CFAP20DC: variants seen among roughly 807,000 people sequenced by gnomAD.
CFAP20DC encodes protein CFAP20DC.
In CFAP20DC, 84 loss-of-function variants were observed where a neutral mutation model predicts 101.7. The ratio of observed to expected loss-of-function variants is 0.83; its 90% CI spans 0.69 to 0.99. The LOEUF (loss-of-function observed/expected upper bound fraction) is 0.99. Among genes scored for constraint, CFAP20DC ranks in the 50% least tolerant of loss-of-function variants. The pLI is 0.00. For missense variants in CFAP20DC, 1,007 were observed against 970.3 expected (o/e 1.04, Z -0.50); for synonymous variants, 359 against 351.2 (o/e 1.02, Z -0.25).
intron 15 of CFAP20DC, among the ~76,000 whole-genome samples, chr3:58,770,781 A>G (rs1331334765): frequency 6.6e-6 from 1 of 152,170 alleles, no homozygotes; most frequent in African/African-American, 2.4e-5. Flanking sequence ...GCATTTGAGA[A>G]AGCTCACAGT....
chr3:58,768,839 G>A (rs942497873), intron 15 of CFAP20DC, among the ~76,000 whole-genome samples: 2 of 152,162 alleles, frequency 1.3e-5, no homozygotes, highest in Admixed American at 6.5e-5. Flanking sequence ...CAAGTCTTCA[G>A]CTTTCAGCTC....
At chr3:58,741,537 C>T (rs1417786316), downstream of CFAP20DC, among the ~76,000 whole-genome samples, 19 of 150,946 alleles carry the variant, frequency 1.3e-4, no homozygotes, top group Admixed American at 6.6e-5. Flanking sequence ...CGCTCTGTTG[C>T]CCAGGCTGGA....
intron 3 of CFAP20DC, among the ~76,000 whole-genome samples, chr3:58,735,600 G>C (rs752013341): frequency 5.0e-4 from 76 of 152,300 alleles, no homozygotes; most frequent in Non-Finnish European, 5.7e-4. Context: ...CACACATTAG[G>C]ATCACTTGGG....
At chr3:58,960,259 G>A (rs1042268737) in intron 4 of CFAP20DC, among the ~76,000 whole-genome samples, 6 of 152,142 alleles carry the variant, frequency 3.9e-5, no homozygotes, top group South Asian at 2.1e-4. Context: ...TTGGGAGGCC[G>A]AGGTGGGTGG....
intron 6 of CFAP20DC, among the ~76,000 whole-genome samples, chr3:58,906,293 A>T (rs542662463): frequency 9.0e-4 from 137 of 152,232 alleles, no homozygotes; most frequent in African/African-American, 3.1e-3. Flanking sequence ...AAGGACACTC[A>T]ATTTGTCCTA....
intron 16 of CFAP20DC, among the ~76,000 whole-genome samples, chr3:58,745,219 T>C (rs2068111215): frequency 6.6e-6 from 1 of 152,188 alleles, no homozygotes; most frequent in Non-Finnish European, 1.5e-5. Context: ...AAGGAGAGTA[T>C]GTACATCCTC....
intron 4 of CFAP20DC, chr3:59,017,403 G>T (rs1004315949): frequency 6.6e-6 from 1 of 152,038 alleles, no homozygotes; most frequent in Non-Finnish European, 1.5e-5. Context: ...CAGTTGATGT[G>T]GTGAACAGAA....
At chr3:58,884,403 T>C (rs2081449313) in intron 7 of CFAP20DC, 142 bp downstream of exon 7, 1 of 668,032 alleles carries the variant, frequency 1.5e-6, no homozygotes, top group Middle Eastern at 4.1e-4. Flanking sequence ...TTGTAGCCCC[T>C]GGCGTGGTAT....
At chr3:58,889,054 A>G (rs1209068651) in intron 6 of CFAP20DC, among the ~76,000 whole-genome samples, 6 of 151,592 alleles carry the variant, frequency 4.0e-5, no homozygotes. Context: ...CAAAATCTTA[A>G]TTCAACATGT....
intron 3 of CFAP20DC, among the ~76,000 whole-genome samples, chr3:58,723,288 A>C (rs2067497833): frequency 6.6e-6 from 1 of 152,240 alleles, no homozygotes; most frequent in Admixed American, 6.5e-5. Context: ...TAACATTTGC[A>C]ATTTCAGAGG....
At chr3:58,975,480 C>T (rs1364036925) in intron 4 of CFAP20DC, among the ~76,000 whole-genome samples, 1 of 151,924 alleles carries the variant, frequency 6.6e-6, no homozygotes, top group Non-Finnish European at 1.5e-5. Flanking sequence ...GAAATATATC[C>T]AGGAATTCTA....
intron 15 of CFAP20DC, among the ~76,000 whole-genome samples, chr3:58,761,059 T>A (rs2069533331): frequency 6.6e-6 from 1 of 152,228 alleles, no homozygotes; most frequent in Non-Finnish European, 1.5e-5. Flanking sequence ...TAAAATGAGT[T>A]AGGGAGGATT....
At chr3:59,039,668 C>A in intron 3 of CFAP20DC, 39 bp from the exon 4 acceptor site, 1 of 1,259,734 alleles carries the variant, frequency 7.9e-7, no homozygotes, top group Non-Finnish European at 1.1e-6. Context: ...ATGTTCGAAG[C>A]ATTTATATGT....
At chr3:59,005,199 G>A (rs73837007) in intron 4 of CFAP20DC, among the ~76,000 whole-genome samples, 2,716 of 152,094 alleles carry the variant, frequency 0.018, 68 homozygotes, top group African/African-American at 0.061. Flanking sequence ...GCCATGGGAG[G>A]GGCCTTGGTG....
rs2093678838 is a variant in CFAP20DC, at chr3:59,015,915, T to A, written c.278+23642A>T. On this transcript the variant is annotated intron_variant, in intron 4 of 16. Transcript: ENST00000482387. This position sits in a 1 kb window ranked among gnomAD's most constrained non-coding sequence, Gnocchi z 5.4. Reference sequence around the variant, plus strand: ...TTTGAAGCAATGGGCGAGGAACATATGGCCACATTTCCATATCTAAGCAGT... The same window carrying A: ...TTTGAAGCAATGGGCGAGGAACATAAGGCCACATTTCCATATCTAAGCAGT... Among the ~76,000 whole-genome samples the A allele has an allele frequency of 6.6e-6, 1 of 152,112 alleles. No individual in the cohort carries two copies. The highest frequency in any genetic ancestry group is 6.6e-5 in the Admixed American group (1 of 15,260).
At chr3:58,954,995 TAA>T (rs1206589803) in intron 4 of CFAP20DC, among the ~76,000 whole-genome samples, 2 of 142,240 alleles carry the variant, frequency 1.4e-5, no homozygotes, top group African/African-American at 5.1e-5. Flanking sequence ...AAATAAAAAC[TAA>T]AAAAAAAAAA....
chr3:58,918,986 G>A (rs2085040166), intron 5 of CFAP20DC, among the ~76,000 whole-genome samples: 1 of 152,126 alleles, frequency 6.6e-6, no homozygotes, highest in African/African-American at 2.4e-5. Context: ...ATGCACAGAT[G>A]TTAAGGATAG....
chr3:58,961,820 G>A (rs537062461), intron 4 of CFAP20DC, among the ~76,000 whole-genome samples: 2 of 151,686 alleles, frequency 1.3e-5, no homozygotes, highest in African/African-American at 4.8e-5. Flanking sequence ...GCATAAAGTT[G>A]TTCACAGTAT....
downstream of CFAP20DC, chr3:58,741,974 G>A (rs565531865): frequency 1.1e-4 from 63 of 589,674 alleles, no homozygotes; most frequent in African/African-American, 1.2e-3. Flanking sequence ...GGAAAAGAAA[G>A]TGGGGTGAAT....
Sources: allele counts gnomAD v4.1 joint callset (sites outside exome capture counted in the v4.1 genomes callset), GRCh38; gene constraint gnomAD v4.1.1; non-coding constraint Gnocchi (gnomAD v3.1); transcripts MANE v1.5; gene names NCBI Gene and HGNC (gene_info 2026-07-23, HGNC 2026-07-21).